WDPCP: variants seen among roughly 807,000 people sequenced by gnomAD.
WDPCP encodes WD repeat-containing and planar cell polarity effector protein fritz homolog.
In WDPCP, 71 loss-of-function variants were observed where a neutral mutation model predicts 93.1. That is an observed-to-expected ratio of 0.76 (90% CI 0.63 to 0.93). The LOEUF is 0.93. Among genes scored for constraint, WDPCP ranks in the 40% least tolerant of loss-of-function variants. The probability of loss-of-function intolerance (pLI) is 0.00; values close to 1 mark genes in which losing one functional copy is unlikely to be tolerated. For missense variants in WDPCP, 844 were observed against 887.4 expected (o/e 0.95, Z 0.62); for synonymous variants, 315 against 315.0 (o/e 1.00, Z 0.00).
At position 63,404,560 on chromosome 2, in the gene WDPCP, A is replaced by G; in HGVS notation, c.923T>C (p.Val308Ala). Residue 308 changes from valine to alanine, a missense_variant, in exon 10 of 18, where the codon GTA (valine) becomes GCA (alanine). Transcript: ENST00000272321. ...QVFTVEHSVS[V>A]DKEPMADSCI... is the part of the protein sequence containing the mutation. ...GCTGTCAGCCATGGGCTCTTTGTCT[A>G]CACTTACGGAGTGCTCCACTGTGAA... is the stretch of plus-strand genomic sequence containing the variant. 1 of 1,613,848 alleles carries G rather than the reference A, an allele frequency of 6.2e-7. No homozygotes were observed. The highest frequency in any genetic ancestry group is 8.5e-7 in the Non-Finnish European group (1 of 1,179,880).
intron 3 of WDPCP, among the ~76,000 whole-genome samples, chr2:63,613,499 G>A (rs940011676): frequency 1.8e-4 from 27 of 152,204 alleles, no homozygotes; most frequent in Non-Finnish European, 4.4e-5. Context: ...GTAATTCCCA[G>A]CCATTGCCTG....
intron 12 of WDPCP, among the ~76,000 whole-genome samples, chr2:63,356,636 A>C (rs1690038246): frequency 6.6e-6 from 1 of 152,230 alleles, no homozygotes; most frequent in East Asian, 1.9e-4. Context: ...AAAACCATGC[A>C]ATTACATGGA....
At chr2:63,522,457 C>CAG (rs949907477) in intron 1 of WDPCP, among the ~76,000 whole-genome samples, 36 of 131,744 alleles carry the variant, frequency 2.7e-4, no homozygotes, top group East Asian at 6.3e-4. Context: ...GACAGACAGA[C>CAG]ACACACACAC....
chr2:63,622,066 CTTTTTTTTTTT>C (rs33925505), intron 3 of WDPCP: 10 of 529,118 alleles, frequency 1.9e-5, no homozygotes, highest in Admixed American at 1.9e-4. Flanking sequence ...TTTCTTTTTT[CTTTTTTTTTTT>C]TTTTTTTGGA....
At chr2:63,162,974 C>T (rs1672736477) in intron 15 of WDPCP, among the ~76,000 whole-genome samples, 1 of 152,108 alleles carries the variant, frequency 6.6e-6, no homozygotes, top group African/African-American at 2.4e-5. Flanking sequence ...CTAAGTTTTT[C>T]ATTTGTCTAG....
chr2:63,331,793 A>C (rs1687996639), intron 12 of WDPCP, among the ~76,000 whole-genome samples: 1 of 152,148 alleles, frequency 6.6e-6, no homozygotes, highest in African/African-American at 2.4e-5. Flanking sequence ...ATAGTCTAAA[A>C]TGTATCAGGC....
chr2:63,597,110 A>G (rs1378808194), intron 3 of WDPCP, among the ~76,000 whole-genome samples: 1 of 152,248 alleles, frequency 6.6e-6, no homozygotes, highest in Admixed American at 6.5e-5. Flanking sequence ...TCACTTCAAA[A>G]GTCATCATTA....
intron 13 of WDPCP, 134 bp from the exon 14 acceptor site, chr2:63,259,543 A>C (rs2104773632): frequency 1.3e-6 from 1 of 784,838 alleles, no homozygotes; most frequent in South Asian, 1.8e-5. Flanking sequence ...CTGTGTTTTA[A>C]GTTTCTTAGT....
intron 12 of WDPCP, chr2:63,369,121 G>C (rs1691176236): frequency 5.2e-6 from 1 of 190,572 alleles, no homozygotes; most frequent in African/African-American, 2.3e-5. Context: ...TTTTGACCAT[G>C]TTGGTAAAGG....
intron 9 of WDPCP, among the ~76,000 whole-genome samples, chr2:63,405,311 T>C (rs1457892647): frequency 6.6e-6 from 1 of 152,194 alleles, no homozygotes; most frequent in Admixed American, 6.6e-5. Flanking sequence ...TGTAATGTAC[T>C]AGTTTTAAAA....
intron 2 of WDPCP, among the ~76,000 whole-genome samples, chr2:63,735,803 C>T (rs149277463): frequency 6.6e-6 from 1 of 152,222 alleles, no homozygotes; most frequent in African/African-American, 2.4e-5. Context: ...TTCCAGAAAG[C>T]TAAATTCTAT....
intron 1 of WDPCP, among the ~76,000 whole-genome samples, chr2:63,503,454 AT>A (rs1701679439): frequency 1.3e-5 from 2 of 152,188 alleles, no homozygotes; most frequent in African/African-American, 4.8e-5. Context: ...AATAATTGCA[AT>A]AGTTTATATC....
At chr2:63,539,792 T>C (rs555671739) in intron 1 of WDPCP, among the ~76,000 whole-genome samples, 1 of 152,364 alleles carries the variant, frequency 6.6e-6, no homozygotes, top group South Asian at 2.1e-4. Context: ...CATCTATAGA[T>C]AATCACAGAA....
intron 1 of WDPCP, among the ~76,000 whole-genome samples, chr2:63,545,705 A>G (rs780604595): frequency 2.3e-4 from 35 of 152,060 alleles, no homozygotes; most frequent in Non-Finnish European, 4.6e-4. Context: ...AGATCCACCT[A>G]GAAACATTCA....
At chr2:63,546,732 A>G (rs1325866763) in intron 1 of WDPCP, among the ~76,000 whole-genome samples, 1 of 152,176 alleles carries the variant, frequency 6.6e-6, no homozygotes, top group Non-Finnish European at 1.5e-5. Context: ...AATTTTTCAA[A>G]TTTAAAAAAT....
the WDPCP span, among the ~76,000 whole-genome samples, chr2:63,836,173 AT>A: frequency 1.3e-5 from 2 of 152,130 alleles, no homozygotes; most frequent in Non-Finnish European, 2.9e-5. Context: ...TCTCTTTAAT[AT>A]TTCGTTAGGT....
chr2:63,197,015 G>T (rs915523069), intron 14 of WDPCP, among the ~76,000 whole-genome samples: 2 of 152,128 alleles, frequency 1.3e-5, no homozygotes, highest in Non-Finnish European at 2.9e-5. Flanking sequence ...CATTGTTAGA[G>T]AAATGAAAAA....
intron 3 of WDPCP, among the ~76,000 whole-genome samples, chr2:63,611,291 T>G (rs1040357508): frequency 6.6e-6 from 1 of 152,234 alleles, no homozygotes; most frequent in Non-Finnish European, 1.5e-5. Context: ...ATTTCATACA[T>G]GTACAAGTGT....
At chr2:63,439,954 A>G in intron 6 of WDPCP, 83 bp from the exon 7 acceptor site, 1 of 1,004,448 alleles carries the variant, frequency 1.0e-6, no homozygotes, top group Non-Finnish European at 1.6e-6. Flanking sequence ...CAAATATACA[A>G]CTTATACAGA....
Sources: allele counts gnomAD v4.1 joint callset (sites outside exome capture counted in the v4.1 genomes callset), GRCh38; gene constraint gnomAD v4.1.1; transcripts MANE v1.5; gene names NCBI Gene and HGNC (gene_info 2026-07-23, HGNC 2026-07-21).